RUNX3: variants seen among roughly 807,000 people sequenced by gnomAD.
RUNX3 encodes the protein runt-related transcription factor 3.
A neutral mutation model predicts 27.7 loss-of-function variants in RUNX3; 10 were observed. That is an observed-to-expected ratio of 0.36 (90% CI 0.22 to 0.61). The LOEUF (loss-of-function observed/expected upper bound fraction) is 0.61, where lower values mean the gene tolerates loss of function less well. RUNX3 is among the 20% of genes least tolerant of loss of function. The probability of loss-of-function intolerance (pLI) is 0.72; values close to 1 mark genes in which losing one functional copy is unlikely to be tolerated. For synonymous variants in RUNX3, 270 were observed against 269.2 expected, an observed-to-expected ratio of 1.00 and a Z score of -0.03; for missense variants, 469 against 629.5, an observed-to-expected ratio of 0.75 and a Z score of 2.73.
In RUNX3 at chr1:24,904,961, A is replaced by G. The variant is rs940506299; in HGVS notation, c.704-2295T>C. On this transcript the variant is annotated intron_variant, in intron 4 of 4. Transcript: ENST00000308873. This position sits in a 1 kb window ranked among gnomAD's most constrained non-coding sequence, Gnocchi z 5.7. ...GAAAGAAATGTTTATTTTCTTCTCC[A>G]GATTGTCCGGGCTGCTGCATGGTGG... Among the ~76,000 whole-genome samples, 4 of 152,190 alleles carry G rather than the reference A, an allele frequency of 2.6e-5. No individual in the cohort carries two copies. The highest frequency in any genetic ancestry group is 9.6e-5 in the African/African-American group (4 of 41,454).
At position 24,927,722 on chromosome 1, in the gene RUNX3, T is replaced by G. The variant is rs1375863754; in HGVS notation, c.291A>C (p.Ala97=). The G allele has an allele frequency of 6.2e-7, 1 of 1,612,044 alleles. No individual in the cohort carries two copies. Among genetic ancestry groups the G allele is most frequent in the South Asian group, 1.1e-5 (1 of 91,040 alleles). Residue 97 remains alanine (A), a synonymous_variant, in exon 2 of 5, where the codon GCA becomes GCC. Coordinates refer to ENST00000308873, the MANE Select transcript of RUNX3 (RefSeq NM_004350.3). The surrounding 1 kb of genome is among the most constrained non-coding windows in gnomAD (Gnocchi z 5.0). ...KTLPVAFKVV[A]LGDVPDGTVV... ...CCGTACCATCCGGCACGTCCCCCAA[T>G]GCCACCACCTGAAGACACGGGGCGG...
chr1:24,921,505 C>G (rs1250992866), intron 2 of RUNX3, among the ~76,000 whole-genome samples: 1 of 152,224 alleles, frequency 6.6e-6, no homozygotes, highest in Non-Finnish European at 1.5e-5. Context: ...AGCCCCAGGT[C>G]AGAACAGACC....
At chr1:24,921,241 G>A (rs997442020) in intron 2 of RUNX3, among the ~76,000 whole-genome samples, 7 of 152,174 alleles carry the variant, frequency 4.6e-5, no homozygotes, top group Non-Finnish European at 1.0e-4. Context: ...TTGCATGGCC[G>A]GGTACTTGTT....
intron 1 of RUNX3, chr1:24,964,782 G>C: frequency 7.9e-7 from 1 of 1,271,340 alleles, no homozygotes; most frequent in Non-Finnish European, 1.0e-6. Flanking sequence ...GCGAGAGTGT[G>C]TGTGAGTGAG....
intron 3 of RUNX3, among the ~76,000 whole-genome samples, chr1:24,915,382 C>A (rs965589274): frequency 7.2e-5 from 11 of 152,212 alleles, no homozygotes; most frequent in African/African-American, 2.6e-4. Flanking sequence ...CGAGATCTTG[C>A]CACTGCACTC....
chr1:24,931,723 A>T (rs143813428), upstream of RUNX3, among the ~76,000 whole-genome samples: 382 of 152,220 alleles, frequency 2.5e-3, 2 homozygotes, highest in African/African-American at 8.9e-3. Context: ...AACGAAATCA[A>T]GCCCCGCGTG....
chr1:24,948,410 T>G (rs1045262912), intron 2 of RUNX3, among the ~76,000 whole-genome samples: 4 of 152,074 alleles, frequency 2.6e-5, no homozygotes, highest in African/African-American at 9.7e-5. Flanking sequence ...AGGCCTAACA[T>G]GGTGGCAGGG....
intron 4 of RUNX3, among the ~76,000 whole-genome samples, chr1:24,903,235 G>C (rs1160933626): frequency 6.6e-6 from 1 of 152,210 alleles, no homozygotes; most frequent in East Asian, 1.9e-4. Context: ...CTCTGCTGGG[G>C]ACACACGTGC....
upstream of RUNX3, among the ~76,000 whole-genome samples, chr1:24,931,172 C>T (rs1460656421): frequency 6.6e-6 from 1 of 152,268 alleles, no homozygotes; most frequent in Non-Finnish European, 1.5e-5. Context: ...GGCTGCAAAG[C>T]TAAGGGCCCT....
upstream of RUNX3, among the ~76,000 whole-genome samples, chr1:24,931,729 G>A (rs376289836): frequency 2.0e-3 from 300 of 152,222 alleles, no homozygotes; most frequent in South Asian, 4.8e-3. Flanking sequence ...ATCAAGCCCC[G>A]CGTGCGCTCC....
Position 24,927,484 on chromosome 1 carries a change from T to C in RUNX3, c.439+90A>G. 2 of 1,300,108 alleles carry C rather than the reference T, an allele frequency of 1.5e-6. No individual in the cohort carries two copies. Among genetic ancestry groups the C allele is most frequent in the Non-Finnish European group, 2.2e-6 (2 of 905,302 alleles). 80.5% of individuals were successfully genotyped at this position (1,300,108 alleles called of 1,614,324 possible). A position where few individuals can be genotyped will look rare whatever the true frequency, so the allele number is the denominator to read the frequency against. On this transcript the variant is annotated intron_variant, in intron 2 of 4. Transcript: ENST00000308873. This position sits in a 1 kb window ranked among gnomAD's most constrained non-coding sequence, Gnocchi z 5.0. Reference sequence around the variant, plus strand: ...CAGAGCTGCATCTGGAGACCTGTTTTTCGGGATTCTAAGGCCCCTCTTTCA... The same window carrying C: ...CAGAGCTGCATCTGGAGACCTGTTTCTCGGGATTCTAAGGCCCCTCTTTCA...
chr1:24,927,635 G>T lies in RUNX3; in HGVS notation c.378C>A (p.Ala126=). 2 of 1,614,106 alleles carry T rather than the reference G, an allele frequency of 1.2e-6. No homozygotes were observed. The highest frequency in any genetic ancestry group is 1.7e-5 in the Admixed American group (1 of 60,036). Reference sequence around the variant, plus strand: ...ACCTGGCCACCTGGTTCTTCATGACGGCCGAGGCATTGCGCAGCTCAGCGG... The same window carrying T: ...ACCTGGCCACCTGGTTCTTCATGACTGCCGAGGCATTGCGCAGCTCAGCGG... The part of the protein sequence containing the change: ...NYSAELRNAS[A]VMKNQVARFN... Residue 126 remains alanine, a synonymous_variant, in exon 2 of 5, where the codon GCC becomes GCA. Coordinates refer to ENST00000308873, the MANE Select transcript of RUNX3 (RefSeq NM_004350.3). This position sits in a 1 kb window ranked among gnomAD's most constrained non-coding sequence, Gnocchi z 5.0.
At chr1:24,940,242 G>T (rs966643192) in intron 2 of RUNX3, among the ~76,000 whole-genome samples, 10 of 152,190 alleles carry the variant, frequency 6.6e-5, no homozygotes, top group Admixed American at 1.3e-4. Context: ...TGTGCAGGGA[G>T]TTCGAGTGTT....
chr1:24,901,991 G>GGACCACCCTGGGACCGA lies in RUNX3; in HGVS notation c.*114_*130dup. ...TGCAGCCAGAGGCTCCCACCAGCTGGGACCACCCTGGGACCGAGACCACCC... is the reference window on the plus strand; with the variant it reads ...TGCAGCCAGAGGCTCCCACCAGCTGGGACCACCCTGGGACCGAGACCACCCTGGGACCGAGACCACCC... On this transcript the variant is annotated 3_prime_UTR_variant, in exon 5 of 5. Transcript: ENST00000308873. 6 of 844,998 alleles carry GGACCACCCTGGGACCGA rather than the reference G, an allele frequency of 7.1e-6. No homozygotes were observed. In the South Asian group the frequency reaches 1.1e-4, roughly 15 times the overall value. The allele number at this position is 844,998 out of a possible 1,614,324, so 52.3% of individuals were successfully genotyped here. A position where few individuals can be genotyped will look rare whatever the true frequency, so the allele number is the denominator to read the frequency against.
At chr1:24,956,862 C>T (rs963901842) in intron 2 of RUNX3, among the ~76,000 whole-genome samples, 1 of 152,340 alleles carries the variant, frequency 6.6e-6, no homozygotes, top group East Asian at 1.9e-4. Context: ...CCAAGCGTTC[C>T]GTCCCCCAGA....
At chr1:24,955,139 T>G (rs2124374088) in intron 2 of RUNX3, among the ~76,000 whole-genome samples, 1 of 152,274 alleles carries the variant, frequency 6.6e-6, no homozygotes, top group African/African-American at 2.4e-5. Context: ...GATCTGCCCT[T>G]TCTAGACCCA....
At position 24,902,029 on chromosome 1, in the gene RUNX3, C is replaced by T; in HGVS notation, c.*93G>A. On this transcript the variant is annotated 3_prime_UTR_variant, in exon 5 of 5. Coordinates refer to ENST00000308873, the MANE Select transcript of RUNX3 (RefSeq NM_004350.3). This position sits in a 1 kb window ranked among gnomAD's most constrained non-coding sequence, Gnocchi z 9.2. ...ACCGAGACCACCCTGGAGCGCAGGTCCCATTCCCGCCCGGAGCCTCGGAGC... is the reference window on the plus strand; with the variant it reads ...ACCGAGACCACCCTGGAGCGCAGGTTCCATTCCCGCCCGGAGCCTCGGAGC... 8.1e-7 allele frequency: 1 copy of T among 1,233,640 alleles called. No individual in the cohort carries two copies. Among genetic ancestry groups the T allele is most frequent in the Middle Eastern group, 2.8e-4 (1 of 3,524 alleles). 76.4% of individuals were successfully genotyped at this position (1,233,640 alleles called of 1,614,324 possible). A position where few individuals can be genotyped will look rare whatever the true frequency, so the allele number is the denominator to read the frequency against.
intron 2 of RUNX3, among the ~76,000 whole-genome samples, chr1:24,940,102 T>C (rs1242401536): frequency 1.3e-5 from 2 of 152,186 alleles, no homozygotes; most frequent in Non-Finnish European, 2.9e-5. Flanking sequence ...GGCAGATCTA[T>C]GAAGAGCTCC....
At chr1:24,925,939 TA>T (rs1019530839) in intron 2 of RUNX3, among the ~76,000 whole-genome samples, 2 of 151,898 alleles carry the variant, frequency 1.3e-5, no homozygotes, top group African/African-American at 2.4e-5. Flanking sequence ...TGAAAACCCC[TA>T]AAAAAATCAT....
Sources: allele counts gnomAD v4.1 joint callset (sites outside exome capture counted in the v4.1 genomes callset), GRCh38; gene constraint gnomAD v4.1.1; non-coding constraint Gnocchi (gnomAD v3.1); transcripts MANE v1.5; gene names NCBI Gene and HGNC (gene_info 2026-07-23, HGNC 2026-07-21).